ZNF385D: variants seen among roughly 807,000 people sequenced by gnomAD.
The protein encoded by ZNF385D is zinc finger protein 385D.
Under a neutral mutation model 35.8 loss-of-function variants are expected in ZNF385D, and 15 were observed. The observed-to-expected ratio is 0.42, with a 90% CI of 0.28 to 0.64. ZNF385D has a LOEUF of 0.64. Ranked by LOEUF, ZNF385D falls within the 30% of genes least tolerant of loss-of-function variation. ZNF385D has a pLI of 0.23. For synonymous variants in ZNF385D, 212 were observed against 186.8 expected (o/e 1.13, Z -1.10); for missense variants, 474 against 494.6 (o/e 0.96, Z 0.39).
chr3:21,560,400 T>TAATA (rs2062898875), intron 3 of ZNF385D, among the ~76,000 whole-genome samples: 1 of 152,192 alleles, frequency 6.6e-6, no homozygotes, highest in African/African-American at 2.4e-5. Flanking sequence ...GTTTTTCTTC[T>TAATA]AATAGGCCCC....
At chr3:22,228,937 G>A (rs570752716) in intron 2 of ZNF385D, among the ~76,000 whole-genome samples, 1 of 152,344 alleles carries the variant, frequency 6.6e-6, no homozygotes, top group African/African-American at 2.4e-5. Flanking sequence ...GGAGCTCTTA[G>A]GCCTTCGGCC....
chr3:21,419,247 TTTTG>T lies in ZNF385D; in HGVS notation c.*1963_*1966del, dbSNP rs772809444. ...CTTCCTTCCTTCTTTCCTTCTTTTTTTTTGTTTTTGTTTTGGTTGGTTAACAAAG... is the reference window on the plus strand; with the variant it reads ...CTTCCTTCCTTCTTTCCTTCTTTTTTTTTTTGTTTTGGTTGGTTAACAAAG... On this transcript the variant is annotated 3_prime_UTR_variant, in exon 8 of 8. Transcript: ENST00000281523. The T allele has an allele frequency of 6.5e-6, 1 of 153,434 alleles. No individual in the cohort carries two copies. The highest frequency in any genetic ancestry group is 1.5e-5 in the Non-Finnish European group (1 of 68,414). The allele number at this position is 153,434 out of a possible 1,614,324, so 9.5% of individuals were successfully genotyped here.
intron 1 of ZNF385D, among the ~76,000 whole-genome samples, chr3:21,720,584 C>T (rs2068500097): frequency 6.6e-6 from 1 of 152,140 alleles, no homozygotes; most frequent in African/African-American, 2.4e-5. Flanking sequence ...GGCCCTACCT[C>T]AGATATACTG....
chr3:22,126,320 T>G (rs1703428227), intron 3 of ZNF385D, among the ~76,000 whole-genome samples: 1 of 151,094 alleles, frequency 6.6e-6, no homozygotes, highest in African/African-American at 2.4e-5. Context: ...GTTTTTTTTT[T>G]TTTTTTTTTT....
chr3:21,738,547 C>T (rs925501624), intron 1 of ZNF385D, among the ~76,000 whole-genome samples: 2 of 152,164 alleles, frequency 1.3e-5, no homozygotes, highest in Non-Finnish European at 2.9e-5. Flanking sequence ...CCATTATTAT[C>T]TCAACTGATT....
chr3:21,530,530 G>A (rs1055253656), intron 3 of ZNF385D, among the ~76,000 whole-genome samples: 2 of 152,160 alleles, frequency 1.3e-5, no homozygotes, highest in African/African-American at 4.8e-5. Context: ...CCTCCAATCA[G>A]CTTTGGATTA....
chr3:22,123,140 G>C (rs933639814), intron 3 of ZNF385D, among the ~76,000 whole-genome samples: 1 of 152,006 alleles, frequency 6.6e-6, no homozygotes, highest in Non-Finnish European at 1.5e-5. Flanking sequence ...GATTAGAATA[G>C]CATAAGATGA....
At chr3:22,125,008 A>G (rs370095870) in intron 3 of ZNF385D, among the ~76,000 whole-genome samples, 5 of 152,134 alleles carry the variant, frequency 3.3e-5, no homozygotes, top group African/African-American at 1.2e-4. Context: ...AACATCCTGG[A>G]AAGTTTCCCC....
intron 1 of ZNF385D, among the ~76,000 whole-genome samples, chr3:21,681,051 C>T (rs2066883579): frequency 6.6e-6 from 1 of 151,936 alleles, no homozygotes; most frequent in African/African-American, 2.4e-5. Flanking sequence ...GCTACATTTA[C>T]ATTTAGCTAG....
At chr3:22,032,518 T>G (rs1233533271) in intron 3 of ZNF385D, among the ~76,000 whole-genome samples, 1 of 152,122 alleles carries the variant, frequency 6.6e-6, no homozygotes, top group Non-Finnish European at 1.5e-5. Context: ...GGGATTACAA[T>G]TTGAGATGAG....
Position 21,418,587 on chromosome 3 carries a change from TG to T in ZNF385D, c.*2626del, listed in dbSNP as rs1338139971. 3 of 152,198 alleles carry T rather than the reference TG, an allele frequency of 2.0e-5. No individual in the cohort carries two copies. The highest frequency in any genetic ancestry group is 7.2e-5 in the African/African-American group (3 of 41,456). 9.4% of individuals were successfully genotyped at this position (152,198 alleles called of 1,614,324 possible). A position where few individuals can be genotyped will look rare whatever the true frequency, so the allele number is the denominator to read the frequency against. On this transcript the variant is annotated 3_prime_UTR_variant, in exon 8 of 8. Coordinates refer to ENST00000281523, the MANE Select transcript of ZNF385D (RefSeq NM_024697.3). The stretch of plus-strand genomic sequence containing the variant: ...TCTTATATGGCTGATGGAGAAAATA[TG>T]GCTGATTCGTTTGTTCCCAGCAAAT...
intron 3 of ZNF385D, among the ~76,000 whole-genome samples, chr3:21,560,775 A>G (rs1310728899): frequency 6.6e-6 from 1 of 152,146 alleles, no homozygotes; most frequent in African/African-American, 2.4e-5. Context: ...GCTCTGTCCC[A>G]GGGAGTTGGG....
intron 3 of ZNF385D, among the ~76,000 whole-genome samples, chr3:21,939,067 A>T (rs1200521069): frequency 1.3e-5 from 2 of 152,242 alleles, no homozygotes; most frequent in Admixed American, 6.5e-5. Flanking sequence ...CTAATTTTCC[A>T]TGCTGGCAAC....
chr3:21,510,327 C>T (rs1475731993), intron 4 of ZNF385D, among the ~76,000 whole-genome samples: 1 of 152,118 alleles, frequency 6.6e-6, no homozygotes, highest in Non-Finnish European at 1.5e-5. Context: ...ATAACACTTA[C>T]CTGTGTTTGC....
chr3:22,290,736 T>C (rs889778256), intron 2 of ZNF385D, among the ~76,000 whole-genome samples: 8 of 152,138 alleles, frequency 5.3e-5, no homozygotes, highest in African/African-American at 1.9e-4. Flanking sequence ...TAGGATTTTC[T>C]CAACTTGTTT....
At chr3:21,777,184 A>G (rs1287878057) in intron 3 of ZNF385D, among the ~76,000 whole-genome samples, 1 of 151,988 alleles carries the variant, frequency 6.6e-6, no homozygotes, top group Non-Finnish European at 1.5e-5. Context: ...ATGCAATTGC[A>G]AAGTTCTGTT....
At chr3:22,005,832 T>C (rs1281772901) in intron 3 of ZNF385D, among the ~76,000 whole-genome samples, 1 of 152,062 alleles carries the variant, frequency 6.6e-6, no homozygotes, top group Non-Finnish European at 1.5e-5. Context: ...TAATAGGCAT[T>C]TGTAGAAATG....
chr3:21,928,222 G>A (rs778323132), intron 3 of ZNF385D, among the ~76,000 whole-genome samples: 131 of 149,772 alleles, frequency 8.7e-4, no homozygotes, highest in Non-Finnish European at 1.5e-3. Context: ...AAAGAAGGAT[G>A]GACGGACGGA....
chr3:21,546,851 T>C (rs1334905654), intron 3 of ZNF385D, among the ~76,000 whole-genome samples: 1 of 151,458 alleles, frequency 6.6e-6, no homozygotes, highest in Admixed American at 6.6e-5. Context: ...CCCCGCTTCA[T>C]GGGTTCAAGT....
Sources: gnomAD v4.1 joint callset for allele counts (sites outside exome capture counted in the v4.1 genomes callset) on GRCh38, gnomAD v4.1.1 for gene constraint, MANE v1.5 for transcripts, NCBI Gene and HGNC (gene_info 2026-07-23, HGNC 2026-07-21) for gene names.